The following DCC variants were observed in gnomAD, a reference collection of about 807,000 sequenced individuals.
DCC encodes the protein DCC netrin 1 receptor.
In DCC, 58 loss-of-function variants were observed where a neutral mutation model predicts 172.5. The ratio of observed to expected loss-of-function variants is 0.34; its 90% CI spans 0.27 to 0.42. The LOEUF (loss-of-function observed/expected upper bound fraction) is 0.42, where lower values mean the gene tolerates loss of function less well. Among genes scored for constraint, DCC ranks in the 10% least tolerant of loss-of-function variants. The probability of loss-of-function intolerance (pLI) is 1.00; values close to 1 mark genes in which losing one functional copy is unlikely to be tolerated. For missense variants in DCC, 1,740 were observed against 1,791.0 expected (o/e 0.97, Z 0.51); for synonymous variants, 709 against 644.5 (o/e 1.10, Z -1.52).
chr18:52,934,721 T>C (rs1035993684), intron 5 of DCC: 7 of 152,068 alleles, frequency 4.6e-5, no homozygotes, highest in African/African-American at 1.4e-4. Flanking sequence ...TAAAATTAAA[T>C]GATGTCATAA....
intron 12 of DCC, among the ~76,000 whole-genome samples, chr18:53,267,625 AT>A (rs1334081554): frequency 1.3e-5 from 2 of 151,728 alleles, no homozygotes; most frequent in African/African-American, 4.8e-5. Flanking sequence ...TGCCCAACTA[AT>A]TTTTTTTAGT....
chr18:53,333,669 T>G (rs1021917027), intron 14 of DCC, among the ~76,000 whole-genome samples: 5 of 152,206 alleles, frequency 3.3e-5, no homozygotes, highest in Non-Finnish European at 5.9e-5. Context: ...TATGGCCTTT[T>G]AGGCCATTGT....
intron 1 of DCC, among the ~76,000 whole-genome samples, chr18:52,504,020 A>G (rs758092387): frequency 3.3e-5 from 5 of 152,114 alleles, no homozygotes; most frequent in Non-Finnish European, 5.9e-5. Flanking sequence ...TTATAAACAT[A>G]AATGGAGCAT....
intron 12 of DCC, among the ~76,000 whole-genome samples, chr18:53,270,212 C>T (rs1268844016): frequency 6.6e-6 from 1 of 152,130 alleles, no homozygotes; most frequent in Non-Finnish European, 1.5e-5. Flanking sequence ...TGCAGTTTGA[C>T]CACTTACCTC....
intron 19 of DCC, among the ~76,000 whole-genome samples, chr18:53,406,084 G>T (rs1220215670): frequency 6.6e-6 from 1 of 152,146 alleles, no homozygotes; most frequent in Non-Finnish European, 1.5e-5. Flanking sequence ...CTAAATAAAT[G>T]CAGTGCCCAA....
chr18:52,450,208 A>G (rs972651691), intron 1 of DCC, among the ~76,000 whole-genome samples: 11 of 152,192 alleles, frequency 7.2e-5, no homozygotes, highest in Non-Finnish European at 1.2e-4. Flanking sequence ...CATTATTTTT[A>G]TAGTAACATA....
Position 53,535,775 on chromosome 18 carries a change from G to C in DCC, c.*5122G>C, listed in dbSNP as rs2046568106. The C allele has an allele frequency of 6.6e-6, 1 of 152,098 alleles. No individual in the cohort carries two copies. The highest frequency in any genetic ancestry group is 6.5e-5 in the Admixed American group (1 of 15,272). The allele number at this position is 152,098 out of a possible 1,614,324, so 9.4% of individuals were successfully genotyped here. On this transcript the variant is annotated 3_prime_UTR_variant, in exon 29 of 29. Transcript: ENST00000442544. ...AATGACTGTTTCTACACATGATCTT[G>C]TATACTACTACACAAGGAAAAGGGG...
intron 2 of DCC, chr18:52,818,205 C>A (rs1443072439): frequency 6.6e-6 from 1 of 151,798 alleles, no homozygotes; most frequent in Non-Finnish European, 1.5e-5. Context: ...TATAGTAAGA[C>A]CCTGTCTCTA....
At chr18:53,466,052 C>T (rs2045617167) in intron 24 of DCC, among the ~76,000 whole-genome samples, 1 of 152,210 alleles carries the variant, frequency 6.6e-6, no homozygotes, top group African/African-American at 2.4e-5. Flanking sequence ...GCATGAGCCA[C>T]CACGCCCAGC....
At chr18:52,764,907 T>A (rs903568013) in intron 2 of DCC, among the ~76,000 whole-genome samples, 22 of 152,216 alleles carry the variant, frequency 1.4e-4, no homozygotes, top group Non-Finnish European at 4.4e-5. Context: ...CTGTATATAA[T>A]GTCAGACCCC....
intron 2 of DCC, among the ~76,000 whole-genome samples, chr18:52,883,264 G>C (rs1195597360): frequency 6.6e-6 from 1 of 151,580 alleles, no homozygotes; most frequent in Non-Finnish European, 1.5e-5. Flanking sequence ...TGTTATGATT[G>C]ATAAGTAAGG....
intron 2 of DCC, among the ~76,000 whole-genome samples, chr18:52,792,814 A>C (rs62083269): frequency 6.5e-4 from 87 of 133,186 alleles, no homozygotes; most frequent in African/African-American, 2.1e-3. Flanking sequence ...CAGTTGATTC[A>C]ATTCCATTCT....
intron 5 of DCC, among the ~76,000 whole-genome samples, chr18:53,011,264 T>C (rs1444773611): frequency 6.6e-6 from 1 of 151,696 alleles, no homozygotes; most frequent in Non-Finnish European, 1.5e-5. Context: ...AAAAATCTTT[T>C]AAAATATTCT....
chr18:52,420,364 C>T (rs1302194068), intron 1 of DCC, among the ~76,000 whole-genome samples: 1 of 152,118 alleles, frequency 6.6e-6, no homozygotes, highest in Non-Finnish European at 1.5e-5. Flanking sequence ...CAGTGCCAGG[C>T]AAGCCATGTG....
At chr18:52,837,949 G>A (rs913541066) in intron 2 of DCC, among the ~76,000 whole-genome samples, 5 of 152,090 alleles carry the variant, frequency 3.3e-5, no homozygotes, top group Non-Finnish European at 5.9e-5. Flanking sequence ...GTGGCAGGAA[G>A]GAAAAAAATG....
intron 15 of DCC, among the ~76,000 whole-genome samples, chr18:53,360,675 G>A (rs919426065): frequency 4.6e-5 from 7 of 152,042 alleles, no homozygotes; most frequent in African/African-American, 1.7e-4. Flanking sequence ...AATAAAGCAG[G>A]CCTTTACACC....
At chr18:53,071,235 G>A (rs2144106340) in intron 7 of DCC, among the ~76,000 whole-genome samples, 1 of 152,304 alleles carries the variant, frequency 6.6e-6, no homozygotes, top group South Asian at 2.1e-4. Context: ...CTCTTTAGCA[G>A]TTAGTGACTT....
chr18:52,663,761 C>A (rs949574568), intron 1 of DCC, among the ~76,000 whole-genome samples: 4 of 152,016 alleles, frequency 2.6e-5, no homozygotes, highest in African/African-American at 7.2e-5. Context: ...AGTCATTTAA[C>A]AATGTTAAAG....
chr18:52,907,131 C>T (rs1288444714), intron 3 of DCC, among the ~76,000 whole-genome samples: 1 of 150,468 alleles, frequency 6.6e-6, no homozygotes, highest in Admixed American at 6.7e-5. Context: ...CCATTACATA[C>T]ACAAAATTTT....
Sources: allele counts gnomAD v4.1 joint callset (sites outside exome capture counted in the v4.1 genomes callset), GRCh38; gene constraint gnomAD v4.1.1; transcripts MANE v1.5; gene names NCBI Gene and HGNC (gene_info 2026-07-23, HGNC 2026-07-21).